SIPA1L1: variants seen among roughly 807,000 people sequenced by gnomAD.
SIPA1L1 encodes signal induced proliferation associated 1 like 1.
A neutral mutation model predicts 162.7 loss-of-function variants in SIPA1L1; 26 were observed. The ratio of observed to expected loss-of-function variants is 0.16; its 90% confidence interval spans 0.12 to 0.22. The LOEUF (loss-of-function observed/expected upper bound fraction) is 0.22. SIPA1L1 is among the 10% of genes least tolerant of loss of function. The probability of loss-of-function intolerance (pLI) is 1.00; values close to 1 mark genes in which losing one functional copy is unlikely to be tolerated. For synonymous variants in SIPA1L1, 829 were observed against 837.4 expected, an observed-to-expected ratio of 0.99 and a Z score of 0.17; for missense variants, 1,874 against 2,241.0, an observed-to-expected ratio of 0.84 and a Z score of 3.31.
chr14:71,702,640 A>G, intron 15 of SIPA1L1, 135 bp downstream of exon 15: 1 of 797,454 alleles, frequency 1.3e-6, no homozygotes, highest in South Asian at 1.9e-5. Context: ...AGTCTCTGTT[A>G]GATTATGTAT....
At chr14:71,458,985 T>C (rs2046383788) in intron 2 of SIPA1L1, among the ~76,000 whole-genome samples, 1 of 151,658 alleles carries the variant, frequency 6.6e-6, no homozygotes, top group African/African-American at 2.4e-5. Context: ...GGCAGGAGAA[T>C]CGCTTGAACC....
intron 4 of SIPA1L1, among the ~76,000 whole-genome samples, chr14:71,580,898 C>A (rs969089351): frequency 6.6e-6 from 1 of 151,974 alleles, no homozygotes; most frequent in Admixed American, 6.6e-5. Context: ...AATAAAAAAA[C>A]AGAAATTACT....
At chr14:71,390,945 A>G (rs896811689) in intron 2 of SIPA1L1, among the ~76,000 whole-genome samples, 1 of 152,070 alleles carries the variant, frequency 6.6e-6, no homozygotes, top group Non-Finnish European at 1.5e-5. Flanking sequence ...ATCTTGCTTC[A>G]TGTAATTTTT....
At chr14:71,661,241 TA>T in intron 9 of SIPA1L1, 68 bp from the exon 10 acceptor site, 2 of 1,521,640 alleles carry the variant, frequency 1.3e-6, no homozygotes, top group Non-Finnish European at 9.0e-7. Context: ...TACAGCTATA[TA>T]AGGGAATTGG....
At chr14:71,407,920 A>G (rs72728465) in intron 2 of SIPA1L1, among the ~76,000 whole-genome samples, 179 of 152,254 alleles carry the variant, frequency 1.2e-3, no homozygotes, top group Non-Finnish European at 2.2e-3. Flanking sequence ...TCTTGGATTC[A>G]ATTATATTCC....
At chr14:71,550,961 G>C (rs1170225520) in intron 4 of SIPA1L1, among the ~76,000 whole-genome samples, 1 of 152,058 alleles carries the variant, frequency 6.6e-6, no homozygotes, top group South Asian at 2.1e-4. Context: ...GCTAGTGCCC[G>C]GGTCATTTCC....
At chr14:71,644,331 C>G (rs1233358979) in intron 7 of SIPA1L1, among the ~76,000 whole-genome samples, 2 of 152,194 alleles carry the variant, frequency 1.3e-5, no homozygotes, top group Admixed American at 6.5e-5. Flanking sequence ...GCCTTGCCCT[C>G]TTGGGCTTAA....
chr14:71,423,375 A>C (rs559865806), intron 2 of SIPA1L1, among the ~76,000 whole-genome samples: 1 of 152,232 alleles, frequency 6.6e-6, no homozygotes, highest in Non-Finnish European at 1.5e-5. Flanking sequence ...TATGCCTTTA[A>C]TGTCATATCT....
intron 4 of SIPA1L1, among the ~76,000 whole-genome samples, chr14:71,556,358 A>G (rs1323511379): frequency 6.6e-6 from 1 of 152,198 alleles, no homozygotes; most frequent in African/African-American, 2.4e-5. Flanking sequence ...AACAGCGTAC[A>G]CTGGCTGGAT....
chr14:71,579,168 A>G (rs1488170012), intron 4 of SIPA1L1, among the ~76,000 whole-genome samples: 2 of 152,230 alleles, frequency 1.3e-5, no homozygotes, highest in Non-Finnish European at 2.9e-5. Context: ...CTTTCTGTGC[A>G]TAAGTTGTGA....
intron 16 of SIPA1L1, among the ~76,000 whole-genome samples, chr14:71,706,961 G>T (rs1189188481): frequency 6.6e-6 from 1 of 151,670 alleles, no homozygotes; most frequent in Non-Finnish European, 1.5e-5. Context: ...CTTGAACCCG[G>T]GAGGCAGAGG....
rs150045579 is a variant in SIPA1L1 at position 71,626,033 on chromosome 14, A to G, written c.1818+1797A>G. Among the ~76,000 whole-genome samples, 206 of 152,342 alleles carry G rather than the reference A, an allele frequency of 1.4e-3. 1 individual carries two copies. Among genetic ancestry groups the G allele is most frequent in the African/African-American group, 4.6e-3 (190 of 41,586 alleles). On this transcript the variant is annotated intron_variant, in intron 7 of 23. Transcript: ENST00000381232. ...CACATGGGAAAGATAAGAACACTAT[A>G]AAGAGTTGAACTCAAAGTTTATTTA...
At chr14:71,665,368 A>G (rs2043901347) in intron 10 of SIPA1L1, among the ~76,000 whole-genome samples, 1 of 152,222 alleles carries the variant, frequency 6.6e-6, no homozygotes, top group South Asian at 2.1e-4. Flanking sequence ...GACTAATTCC[A>G]GAGGCCAGTT....
chr14:71,421,810 A>G (rs2043206198), intron 2 of SIPA1L1, among the ~76,000 whole-genome samples: 1 of 152,002 alleles, frequency 6.6e-6, no homozygotes, highest in Non-Finnish European at 1.5e-5. Context: ...AATGTAGAAG[A>G]TGGTTGTGTA....
intron 2 of SIPA1L1, among the ~76,000 whole-genome samples, chr14:71,346,368 GT>G (rs1354665257): frequency 1.3e-5 from 2 of 152,192 alleles, no homozygotes; most frequent in African/African-American, 2.4e-5. Context: ...AATTTGACTA[GT>G]TAATTCATGC....
chr14:71,588,627 G>A lies in SIPA1L1; in HGVS notation c.755G>A (p.Gly252Asp). ...KLSDFLITGG[G>D]KGSGFSLDVI... ...AGTGACTTTCTCATTACTGGTGGTG[G>A]CAAGGGTTCTGGTTTCTCTTTGGAT... Residue 252 changes from glycine (G) to aspartate (D), a missense_variant, in exon 5 of 24, where the codon GGC becomes GAC. This residue lies in a region of SIPA1L1 where 685 missense variants were observed against 828.0 expected (regional missense o/e 0.83). Coordinates refer to ENST00000381232, the MANE Select transcript of SIPA1L1 (RefSeq NM_001386936.1). The surrounding 1 kb of genome is among the most constrained non-coding windows in gnomAD (Gnocchi z 4.3). The A allele has an allele frequency of 6.2e-7, 1 of 1,614,076 alleles. No individual in the cohort carries two copies. Among genetic ancestry groups the A allele is most frequent in the Non-Finnish European group, 8.5e-7 (1 of 1,179,982 alleles).
chr14:71,737,578 A>G (rs901760013), intron 22 of SIPA1L1, among the ~76,000 whole-genome samples: 1 of 152,070 alleles, frequency 6.6e-6, no homozygotes, highest in African/African-American at 2.4e-5. Flanking sequence ...CCCAGCTCAC[A>G]CTTCTTTCGG....
chr14:71,469,587 T>G (rs2047291537), intron 2 of SIPA1L1, among the ~76,000 whole-genome samples: 1 of 152,160 alleles, frequency 6.6e-6, no homozygotes, highest in Non-Finnish European at 1.5e-5. Flanking sequence ...ATATCTAATG[T>G]GCATGCTGTT....
intron 10 of SIPA1L1, among the ~76,000 whole-genome samples, chr14:71,667,413 T>G (rs963716067): frequency 6.6e-6 from 1 of 152,166 alleles, no homozygotes; most frequent in Non-Finnish European, 1.5e-5. Flanking sequence ...ACTTTGAGTT[T>G]CTGGAGGGCT....
Sources: allele counts gnomAD v4.1 joint callset (sites outside exome capture counted in the v4.1 genomes callset), GRCh38; gene constraint gnomAD v4.1.1; regional missense constraint gnomAD v4.1.1; non-coding constraint Gnocchi (gnomAD v3.1); transcripts MANE v1.5; gene names NCBI Gene and HGNC (gene_info 2026-07-23, HGNC 2026-07-21).